The following EPHA1 variants were observed in gnomAD, a reference collection of about 807,000 sequenced individuals.
EPHA1 encodes ephrin type-A receptor 1.
In EPHA1, 92 loss-of-function variants were observed where a neutral mutation model predicts 110.1. That is an observed-to-expected ratio of 0.84 (90% CI 0.71 to 0.99). EPHA1 has a LOEUF of 0.99. EPHA1 is among the 50% of genes least tolerant of loss of function. EPHA1 has a pLI of 0.00. For synonymous variants in EPHA1, 500 were observed against 516.1 expected (o/e 0.97, Z 0.42); for missense variants, 1,204 against 1,285.4 (o/e 0.94, Z 0.97).
At position 143,398,723 on chromosome 7, in the gene EPHA1, T is replaced by G. The variant is rs1805329541; in HGVS notation, c.1214A>C (p.His405Pro). The part of the protein sequence containing the change: ...GARGLTTPAV[H>P]VNGLEPYANY... ...GGCATAAGGTTCAAGGCCATTGACA[T>G]GCACTGCAGGTGTGGTGAGCCCCCG... Residue 405 changes from histidine (H) to proline (P), a missense_variant, in exon 6 of 18, where the codon CAT becomes CCT. By Grantham distance (77) the His-to-Pro change is moderately conservative. Transcript: ENST00000275815. 2 of 1,614,150 alleles carry G rather than the reference T, an allele frequency of 1.2e-6. No individual in the cohort carries two copies. The highest frequency in any genetic ancestry group is 1.7e-6 in the Non-Finnish European group (2 of 1,180,006).
Position 143,408,734 on chromosome 7 carries a change from G to A in EPHA1, c.72C>T (p.Arg24=). 2 of 933,608 alleles carry A rather than the reference G, an allele frequency of 2.1e-6. No homozygotes were observed. Among genetic ancestry groups the A allele is most frequent in the Non-Finnish European group, 2.8e-6 (2 of 718,926 alleles). The allele number at this position is 933,608 out of a possible 1,614,324, so 57.8% of individuals were successfully genotyped here. A position where few individuals can be genotyped will look rare whatever the true frequency, so the allele number is the denominator to read the frequency against. ...LLCAPLPPGA[R]AKEVTLMDTS... Reference sequence around the variant, plus strand: ...GGCGGGGGTCGGTACCTTCCTTGGCGCGCGCCCCCGGGGGCAGCGGGGCGC... The same window carrying A: ...GGCGGGGGTCGGTACCTTCCTTGGCACGCGCCCCCGGGGGCAGCGGGGCGC... The change falls in exon 1 of 18, where the codon CGC becomes CGT. Residue 24 remains arginine, a synonymous_variant. Coordinates refer to ENST00000275815, the MANE Select transcript of EPHA1 (RefSeq NM_005232.5).
chr7:143,403,336 A>C (rs190423538), intron 2 of EPHA1, among the ~76,000 whole-genome samples: 37 of 152,278 alleles, frequency 2.4e-4, no homozygotes, highest in Non-Finnish European at 5.1e-4. Flanking sequence ...TCGCCACTGC[A>C]CTCCAGCATG....
rs963098520 is a variant in EPHA1 at position 143,393,430 on chromosome 7, C to A, written c.2696+241G>T. On this transcript the variant is annotated intron_variant, in intron 16 of 17. Transcript: ENST00000275815. This position sits in a 1 kb window ranked among gnomAD's most constrained non-coding sequence, Gnocchi z 5.6. Reference sequence around the variant, plus strand: ...GCTGCCTGAGAAGAGAAAAGATGGGCCCCCCACCCCCAAGCCCAGGTGAAG... The same window carrying A: ...GCTGCCTGAGAAGAGAAAAGATGGGACCCCCACCCCCAAGCCCAGGTGAAG... 3.3e-5 allele frequency among the ~76,000 whole-genome samples: 5 copies of A among 152,172 alleles called. No homozygotes were observed. In the East Asian group the frequency reaches 9.6e-4, roughly 29 times the overall value.
In EPHA1 at chr7:143,391,725, C is replaced by T. The variant is rs919532275; in HGVS notation, c.2747G>A (p.Arg916Gln). The T allele has an allele frequency of 2.5e-6, 4 of 1,613,942 alleles. No individual in the cohort carries two copies. Among genetic ancestry groups the T allele is most frequent in the Admixed American group, 1.7e-5 (1 of 60,006 alleles). The change falls in exon 17 of 18, where the codon CGA (arginine) becomes CAA (glutamine). Residue 916 changes from arginine to glutamine, a missense_variant. By Grantham distance (43) the Arg-to-Gln change is conservative. Transcript: ENST00000275815. ...GGACTCGAGCCACTCAGAGACGGTT[C>T]GATATGGGATCCCATCTGAGCCACT... is the stretch of plus-strand genomic sequence containing the variant. ...SLSGSDGIPY[R>Q]TVSEWLESIR...
rs1015494363 is a variant in EPHA1, at chr7:143,391,152, T to G, written c.*305A>C. ...TCTTTTGTAGTGCCTGCAGCCCTCA[T>G]GGGTGGGATGGAGGCAGAAAATCAG... On this transcript the variant is annotated 3_prime_UTR_variant, in exon 18 of 18. Coordinates refer to ENST00000275815, the MANE Select transcript of EPHA1 (RefSeq NM_005232.5). 5.2e-6 allele frequency: 2 copies of G among 381,014 alleles called. No individual in the cohort carries two copies. Among genetic ancestry groups the G allele is most frequent in the African/African-American group, 2.0e-5 (1 of 49,136 alleles). The allele number at this position is 381,014 out of a possible 1,614,324, so 23.6% of individuals were successfully genotyped here.
intron 2 of EPHA1, among the ~76,000 whole-genome samples, chr7:143,405,202 A>G (rs902697402): frequency 6.6e-6 from 1 of 151,990 alleles, no homozygotes; most frequent in African/African-American, 2.4e-5. Context: ...TCAGGTGGGC[A>G]GGGTGGTGAG....
In EPHA1 at chr7:143,397,951, G is replaced by A; in HGVS notation, c.1584C>T (p.Ser528=). 1 of 1,614,162 alleles carries A rather than the reference G, an allele frequency of 6.2e-7. No individual in the cohort carries two copies. Among genetic ancestry groups the A allele is most frequent in the Non-Finnish European group, 8.5e-7 (1 of 1,180,012 alleles). ...GGCTGGTCCGAAACTCATGATCAGG[G>A]GAGAAAGGGCCAGGACCCAGTGGGG... is the stretch of plus-strand genomic sequence containing the variant. The part of the protein sequence containing the change: ...MLTPLGPGPF[S]PDHEFRTSPP... Residue 528 remains serine (S), a synonymous_variant, in exon 8 of 18, where the codon TCC becomes TCT. Transcript: ENST00000275815.
Position 143,407,665 on chromosome 7 carries a change from G to T in EPHA1, c.96C>A (p.Asp32Glu). 6.2e-7 allele frequency: 1 copy of T among 1,613,416 alleles called. No individual in the cohort carries two copies. Among genetic ancestry groups the T allele is most frequent in the Non-Finnish European group, 8.5e-7 (1 of 1,179,686 alleles). The change falls in exon 2 of 18, where the codon GAC becomes GAA. Residue 32 changes from aspartate to glutamate, a missense_variant. Transcript: ENST00000275815. The part of the protein sequence containing the change: ...GARAKEVTLM[D>E]TSKAQGELGW... ...CCAGCTCTCCCTGTGCCTTGCTTGT[G>T]TCCATCAGAGTAACTGAAAGTGGGG...
Position 143,394,356 on chromosome 7 carries a change from A to ATGGGTCAGG in EPHA1, c.2353-22_2353-14dup, listed in dbSNP as rs773558707. On this transcript the variant is annotated splice_polypyrimidine_tract_variant and intron_variant, in intron 14 of 17. Transcript: ENST00000275815. ...GGATCTTTCCTCCCTAAGAAGGCAC[A>ATGGGTCAGG]TGGGTCAGGGACGGAAAGTTATGGT... The ATGGGTCAGG allele has an allele frequency of 6.2e-7, 1 of 1,612,526 alleles. No homozygotes were observed. Among genetic ancestry groups the ATGGGTCAGG allele is most frequent in the Non-Finnish European group, 8.5e-7 (1 of 1,179,030 alleles).
At position 143,393,681 on chromosome 7, in the gene EPHA1, A is replaced by C. The variant is rs1472820846; in HGVS notation, c.2686T>G (p.Phe896Val). 1 of 1,613,446 alleles carries C rather than the reference A, an allele frequency of 6.2e-7. No homozygotes were observed. ...NPHSLRTIAN[F>V]DPRMTLRLPS... Reference sequence around the variant, plus strand: ...CCCCTGCATGGTTACCTGGGGTCAAAGTTGGCAATGGTCCGCAGGGAGTGG... The same window carrying C: ...CCCCTGCATGGTTACCTGGGGTCAACGTTGGCAATGGTCCGCAGGGAGTGG... The change falls in exon 16 of 18, where the codon TTT becomes GTT. Residue 896 changes from phenylalanine (F) to valine (V), a missense_variant. By Grantham distance (50) the Phe-to-Val change is conservative (BLOSUM62 -1). Coordinates refer to ENST00000275815, the MANE Select transcript of EPHA1 (RefSeq NM_005232.5). This position sits in a 1 kb window ranked among gnomAD's most constrained non-coding sequence, Gnocchi z 5.6.
Position 143,393,777 on chromosome 7 carries a change from C to T in EPHA1, c.2590G>A (p.Ala864Thr). The T allele has an allele frequency of 6.2e-7, 1 of 1,612,514 alleles. No individual in the cohort carries two copies. Among genetic ancestry groups the T allele is most frequent in the Non-Finnish European group, 8.5e-7 (1 of 1,179,240 alleles). The change falls in exon 16 of 18, where the codon GCA (alanine) becomes ACA (threonine). Residue 864 changes from alanine (A) to threonine (T), a missense_variant. Ala to Thr is a moderately conservative substitution (Grantham distance 58). Transcript: ENST00000275815. This position sits in a 1 kb window ranked among gnomAD's most constrained non-coding sequence, Gnocchi z 5.6. ...TGTGGCCGGCGGGCACGGTCATATGCCCAGCAGTTCTTCATGAGCTCATAC... is the reference window on the plus strand; with the variant it reads ...TGTGGCCGGCGGGCACGGTCATATGTCCAGCAGTTCTTCATGAGCTCATAC... ...PLYELMKNCW[A>T]YDRARRPHFQ... is the part of the protein sequence containing the mutation.
chr7:143,398,688 A>C lies in EPHA1; in HGVS notation c.1249T>G (p.Phe417Val). 1 of 1,614,090 alleles carries C rather than the reference A, an allele frequency of 6.2e-7. No homozygotes were observed. Among genetic ancestry groups the C allele is most frequent in the Non-Finnish European group, 8.5e-7 (1 of 1,179,998 alleles). Residue 417 changes from phenylalanine to valine, a missense_variant, in exon 6 of 18, where the codon TTT (phenylalanine) becomes GTT (valine). Transcript: ENST00000275815. ...NGLEPYANYT[F>V]NVEAQNGVSG... ...ACTCCATTTTGGGCTTCCACATTAAAGGTGTAGTTGGCATAAGGTTCAAGG... is the reference window on the plus strand; with the variant it reads ...ACTCCATTTTGGGCTTCCACATTAACGGTGTAGTTGGCATAAGGTTCAAGG...
chr7:143,408,814 G>C lies in EPHA1; in HGVS notation c.-9C>G, dbSNP rs1805637764. The stretch of plus-strand genomic sequence containing the variant: ...GGCCAGCGCCGCTCCATAGCTCCGG[G>C]CCGGGACCTGGGACAGTGGCCCGGA... On this transcript the variant is annotated 5_prime_UTR_variant, in exon 1 of 18. Transcript: ENST00000275815. 1.6e-6 allele frequency: 2 copies of C among 1,217,392 alleles called. No individual in the cohort carries two copies. The highest frequency in any genetic ancestry group is 3.3e-5 in the East Asian group (1 of 30,604). The allele number at this position is 1,217,392 out of a possible 1,614,324, so 75.4% of individuals were successfully genotyped here.
rs778014889 is a variant in EPHA1, at chr7:143,398,381, C to T, written c.1404G>A (p.Ala468=). ...KEPRQLELTW[A]GSRPRSPGAN... is the part of the protein sequence containing the mutation. ...CCCCAGGGCTTCGGGGCCGGGACCCCGCCCAGGTCAGCTCTAGTTGCCTCG... is the reference window on the plus strand; with the variant it reads ...CCCCAGGGCTTCGGGGCCGGGACCCTGCCCAGGTCAGCTCTAGTTGCCTCG... Residue 468 remains alanine (A), a synonymous_variant, in exon 7 of 18, where the codon GCG becomes GCA. Transcript: ENST00000275815. 1.5e-5 allele frequency: 24 copies of T among 1,613,996 alleles called. No homozygotes were observed. Among genetic ancestry groups the T allele is most frequent in the Admixed American group, 8.3e-5 (5 of 59,998 alleles).
chr7:143,401,194 T>C lies in EPHA1; in HGVS notation c.432+130A>G. On this transcript the variant is annotated intron_variant, in intron 3 of 17. Coordinates refer to ENST00000275815, the MANE Select transcript of EPHA1 (RefSeq NM_005232.5). The surrounding 1 kb of genome is among the most constrained non-coding windows in gnomAD (Gnocchi z 4.1). ...AGGCACAAGCCACCATGCCCAGCCT[T>C]CAAGCGCCAAATTCTTTTCAAGATT... 2 of 1,265,400 alleles carry C rather than the reference T, an allele frequency of 1.6e-6. No homozygotes were observed. Among genetic ancestry groups the C allele is most frequent in the Admixed American group, 2.3e-5 (1 of 43,392 alleles). The allele number at this position is 1,265,400 out of a possible 1,614,324, so 78.4% of individuals were successfully genotyped here. A position where few individuals can be genotyped will look rare whatever the true frequency, so the allele number is the denominator to read the frequency against.
At position 143,401,545 on chromosome 7, in the gene EPHA1, T is replaced by C; in HGVS notation, c.211A>G (p.Met71Val). The stretch of plus-strand genomic sequence containing the variant: ...TGGTCAGTGTCTCTGCGTCCTTGCA[T>C]TGGGCAGTCCTGGTACATGTACAGG... ...TPLYMYQDCP[M>V]QGRRDTDHWL... Residue 71 changes from methionine to valine, a missense_variant, in exon 3 of 18, where the codon ATG becomes GTG. Transcript: ENST00000275815. This position sits in a 1 kb window ranked among gnomAD's most constrained non-coding sequence, Gnocchi z 4.1. 1 of 1,614,172 alleles carries C rather than the reference T, an allele frequency of 6.2e-7. No individual in the cohort carries two copies. Among genetic ancestry groups the C allele is most frequent in the South Asian group, 1.1e-5 (1 of 91,090 alleles).
chr7:143,391,900 A>T lies in EPHA1; in HGVS notation c.2697-125T>A. ...GGCACAGAGATCATCTAGACTGTGG[A>T]TTGACCCCACCATTATCTCTGAGCC... On this transcript the variant is annotated intron_variant, in intron 16 of 17. Transcript: ENST00000275815. 5.4e-6 allele frequency: 8 copies of T among 1,482,632 alleles called. No homozygotes were observed. In the South Asian group the frequency reaches 6.7e-5, roughly 12 times the overall value. The allele number at this position is 1,482,632 out of a possible 1,614,324, so 91.8% of individuals were successfully genotyped here.
rs780958221 is a variant in EPHA1 at position 143,393,784 on chromosome 7, G to C, written c.2583C>G (p.Asn861Lys). ...CPAPLYELMK[N>K]CWAYDRARRP... ...GGCGGGCACGGTCATATGCCCAGCA[G>C]TTCTTCATGAGCTCATACAGAGGGG... Residue 861 changes from asparagine to lysine, a missense_variant, in exon 16 of 18, where the codon AAC becomes AAG. By Grantham distance (94) the Asn-to-Lys change is moderately conservative. Coordinates refer to ENST00000275815, the MANE Select transcript of EPHA1 (RefSeq NM_005232.5). This position sits in a 1 kb window ranked among gnomAD's most constrained non-coding sequence, Gnocchi z 5.6. 10 of 1,612,348 alleles carry C rather than the reference G, an allele frequency of 6.2e-6. No homozygotes were observed. The highest frequency in any genetic ancestry group is 8.5e-6 in the Non-Finnish European group (10 of 1,179,046).
chr7:143,404,737 T>A (rs894056329), intron 2 of EPHA1, among the ~76,000 whole-genome samples: 1 of 152,172 alleles, frequency 6.6e-6, no homozygotes, highest in Non-Finnish European at 1.5e-5. Flanking sequence ...GGTTCTGATA[T>A]CTGCTTGTCA....
Sources: allele counts gnomAD v4.1 joint callset (sites outside exome capture counted in the v4.1 genomes callset), GRCh38; gene constraint gnomAD v4.1.1; non-coding constraint Gnocchi (gnomAD v3.1); transcripts MANE v1.5; gene names NCBI Gene and HGNC (gene_info 2026-07-23, HGNC 2026-07-21).